Variants in MICAL2 observed in about 807,000 individuals in gnomAD.
MICAL2 encodes the protein [F-actin]-monooxygenase MICAL2.
In MICAL2, 77 loss-of-function variants were observed where a neutral mutation model predicts 127.3. The observed-to-expected ratio is 0.60, with a 90% confidence interval of 0.50 to 0.73. The LOEUF is 0.73. Among genes scored for constraint, MICAL2 ranks in the 30% least tolerant of loss-of-function variants. The pLI is 0.00. For synonymous variants in MICAL2, 570 were observed against 551.1 expected (o/e 1.03, Z -0.48); for missense variants, 1,351 against 1,434.4 (o/e 0.94, Z 0.94).
rs118151752 is a variant in MICAL2, at chr11:12,147,330, C to T, written c.-78+8870C>T. ...CAGATTTCTATGGTAAGCATTCATT[C>T]ATTCAACAAACATATACTACCTACT... On this transcript the variant is annotated intron_variant, in intron 2 of 27. Transcript: ENST00000683283. Among the ~76,000 whole-genome samples, 24 of 152,302 alleles carry T rather than the reference C, an allele frequency of 1.6e-4. No individual in the cohort carries two copies. In the East Asian group the frequency reaches 3.9e-3, roughly 24 times the overall value.
chr11:12,282,118 G>T (rs146420658), intron 2 of MICAL2, among the ~76,000 whole-genome samples: 1 of 152,172 alleles, frequency 6.6e-6, no homozygotes, highest in East Asian at 1.9e-4. Flanking sequence ...GGGGCGGAAA[G>T]AACTCATATA....
At chr11:12,152,297 CAAAAAAAAAA>C (rs540812572) in intron 2 of MICAL2, among the ~76,000 whole-genome samples, 14 of 38,398 alleles carry the variant, frequency 3.6e-4, no homozygotes, top group Admixed American at 1.6e-3. Flanking sequence ...GACTCTGTCT[CAAAAAAAAAA>C]AAAAAAAAAA....
At chr11:12,213,010 C>T (rs894810442) in intron 6 of MICAL2, among the ~76,000 whole-genome samples, 3 of 152,154 alleles carry the variant, frequency 2.0e-5, no homozygotes, top group African/African-American at 4.8e-5. Context: ...TGGGAAGGAT[C>T]GCTTTTCCTT....
intron 30 of MICAL2, chr11:12,323,910 AACG>A: frequency 6.6e-7 from 1 of 1,524,180 alleles, no homozygotes; most frequent in Non-Finnish European, 8.9e-7. Context: ...AGAAGCCTAT[AACG>A]ATATTTTGTA....
intron 1 of MICAL2, among the ~76,000 whole-genome samples, chr11:12,112,158 T>C (rs1849659245): frequency 6.6e-6 from 1 of 152,120 alleles, no homozygotes; most frequent in Admixed American, 6.5e-5. Context: ...TCAGTGTGAG[T>C]CCAGTGCTCT....
rs143534102 is a variant in MICAL2 at position 12,114,777 on chromosome 11, C to T, written c.-149+4051C>T. On this transcript the variant is annotated intron_variant, in intron 1 of 27. Coordinates refer to ENST00000683283, the MANE Select transcript of MICAL2 (RefSeq NM_001282663.2). ...CTTACGTGTGGACGTTTCCTCAGCA[C>T]GCGTCGGTCTGTAAACATCCTAAAA... 7.9e-5 allele frequency among the ~76,000 whole-genome samples: 12 copies of T among 152,278 alleles called. 1 individual carries two copies. The East Asian group carries it at 1.5e-3, about 20-fold the overall frequency.
chr11:12,354,824 G>C, exon 34 of MICAL2: 1 of 1,614,078 alleles, frequency 6.2e-7, no homozygotes, highest in Non-Finnish European at 8.5e-7. Flanking sequence ...AAGCAGACTG[G>C]AGCAGAAACT....
chr11:12,330,459 A>AG (rs1864402702), intron 32 of MICAL2, among the ~76,000 whole-genome samples: 1 of 152,194 alleles, frequency 6.6e-6, no homozygotes, highest in Non-Finnish European at 1.5e-5. Flanking sequence ...AGTCTGCGAC[A>AG]GTTATGCAAG....
downstream of MICAL2, among the ~76,000 whole-genome samples, chr11:12,268,687 C>G (rs1407711210): frequency 2.0e-5 from 3 of 152,170 alleles, no homozygotes; most frequent in African/African-American, 7.2e-5. Context: ...GGGGACCCAC[C>G]CTCAGATAAA....
intron 4 of MICAL2, 80 bp downstream of exon 4, chr11:12,204,537 C>A: frequency 7.1e-7 from 1 of 1,409,008 alleles, no homozygotes; most frequent in Non-Finnish European, 9.8e-7. Context: ...GTCTAGGAGT[C>A]CCCAGCTTGT....
chr11:12,302,129 G>C (rs1278112564), intron 29 of MICAL2, among the ~76,000 whole-genome samples: 1 of 152,162 alleles, frequency 6.6e-6, no homozygotes, highest in Non-Finnish European at 1.5e-5. Context: ...GTTTGTTTAA[G>C]CCTTTTAATG....
chr11:12,331,281 C>T (rs1246893401), intron 32 of MICAL2, among the ~76,000 whole-genome samples: 4 of 152,148 alleles, frequency 2.6e-5, no homozygotes, highest in Non-Finnish European at 4.4e-5. Flanking sequence ...TGAGTAACTT[C>T]GAAAGAGAAA....
chr11:12,117,431 G>A (rs1220565179), intron 1 of MICAL2, among the ~76,000 whole-genome samples: 2 of 152,226 alleles, frequency 1.3e-5, no homozygotes, highest in Non-Finnish European at 1.5e-5. Context: ...AACATGTTGA[G>A]GTGCAGAAAC....
intron 3 of MICAL2, among the ~76,000 whole-genome samples, chr11:12,167,769 C>T (rs1002859193): frequency 6.6e-6 from 1 of 152,096 alleles, no homozygotes; most frequent in Non-Finnish European, 1.5e-5. Flanking sequence ...GCCTGGATTG[C>T]CAGTCGGGTT....
chr11:12,224,785 G>T lies in MICAL2; in HGVS notation c.1653G>T (p.Leu551=), dbSNP rs759865799. 1 of 1,614,048 alleles carries T rather than the reference G, an allele frequency of 6.2e-7. No individual in the cohort carries two copies. The highest frequency in any genetic ancestry group is 1.1e-5 in the South Asian group (1 of 91,078). ...LTTSWRSGLA[L]CAIIHRFRPE... ...CATCCTGGCGCAGTGGGTTGGCCCT[G>T]TGTGCCATCATCCACCGCTTCCGGC... The change falls in exon 13 of 28, where the codon CTG becomes CTT. Residue 551 remains leucine (L), a synonymous_variant. Transcript: ENST00000683283.
At chr11:12,131,470 T>C (rs923784101) in intron 1 of MICAL2, among the ~76,000 whole-genome samples, 1 of 152,210 alleles carries the variant, frequency 6.6e-6, no homozygotes, top group African/African-American at 2.4e-5. Flanking sequence ...CTTTGGTTCT[T>C]CAGCACTTTC....
At chr11:12,240,549 T>G (rs1049324717) in intron 17 of MICAL2, among the ~76,000 whole-genome samples, 4 of 152,266 alleles carry the variant, frequency 2.6e-5, no homozygotes, top group Admixed American at 1.3e-4. Flanking sequence ...CCTTGAGACT[T>G]GTAACTCTCC....
At chr11:12,162,767 C>T (rs973221345) in intron 3 of MICAL2, among the ~76,000 whole-genome samples, 1 of 152,200 alleles carries the variant, frequency 6.6e-6, no homozygotes, top group Admixed American at 6.5e-5. Flanking sequence ...ACTTTATGTC[C>T]ATGATTTCAA....
chr11:12,224,513 C>A, intron 12 of MICAL2, 160 bp from the exon 13 acceptor site: 1 of 834,826 alleles, frequency 1.2e-6, no homozygotes, highest in Non-Finnish European at 1.8e-6. Context: ...AGCAGCAGTC[C>A]TCAGGGAGCT....
Sources: gnomAD v4.1 joint callset for allele counts (sites outside exome capture counted in the v4.1 genomes callset) on GRCh38, gnomAD v4.1.1 for gene constraint, MANE v1.5 for transcripts, NCBI Gene and HGNC (gene_info 2026-07-23, HGNC 2026-07-21) for gene names.